The following ZNF717 variants were observed in gnomAD, a reference collection of about 807,000 sequenced individuals.
The protein encoded by ZNF717 is zinc finger protein 717, also known as krueppel-like factor X17.
ZNF717 carries 9 observed loss-of-function variants against 13.8 expected under a neutral mutation model. That is an observed-to-expected ratio of 0.65 (90% CI 0.39 to 1.14). The LOEUF (loss-of-function observed/expected upper bound fraction) is 1.14, where lower values mean the gene tolerates loss of function less well. Ranked by LOEUF, ZNF717 falls within the 50% of genes most tolerant of loss-of-function variation. The pLI is 0.01. For synonymous variants in ZNF717, 327 were observed against 364.1 expected, an observed-to-expected ratio of 0.90 and a Z score of 1.16; for missense variants, 1,040 against 1,080.7, an observed-to-expected ratio of 0.96 and a Z score of 0.53.
At chr3:75,717,385 C>T (rs74343947) in intron 4 of ZNF717, among the ~76,000 whole-genome samples, 35 of 152,124 alleles carry the variant, frequency 2.3e-4, no homozygotes, top group African/African-American at 7.0e-4. Context: ...TTATTTTGAA[C>T]GGGTAGAAAA....
At chr3:75,743,234 G>T (rs142291408) in intron 2 of ZNF717, among the ~76,000 whole-genome samples, 8,702 of 90,676 alleles carry the variant, frequency 0.096, no homozygotes, top group Middle Eastern at 0.15. Flanking sequence ...TAATACTGAA[G>T]ACAATGTAAT....
chr3:75,771,638 C>T (rs62268130), intron 2 of ZNF717, among the ~76,000 whole-genome samples: 28,420 of 151,524 alleles, frequency 0.19, 1,087 homozygotes, highest in African/African-American at 0.22. Context: ...GCAGTCGCTA[C>T]GGAGACACTG....
In ZNF717 at chr3:75,777,763, G is replaced by A. The variant is rs557121050; in HGVS notation, c.57+5543C>T. Among the ~76,000 whole-genome samples, 304 of 145,926 alleles carry A rather than the reference G, an allele frequency of 2.1e-3. 5 individuals carry two copies. Among genetic ancestry groups the A allele is most frequent in the Middle Eastern group, 8.7e-3 (2 of 230 alleles). On this transcript the variant is annotated intron_variant, in intron 2 of 4. Coordinates refer to ENST00000652011, the MANE Select transcript of ZNF717 (RefSeq NM_001290208.3). ...CAATGGGAGTGACGTGCTAAAACCG[G>A]AACCCAAAACAATGGGAGTGACATG...
At chr3:75,776,855 G>A (rs1267728098) in intron 2 of ZNF717, among the ~76,000 whole-genome samples, 2 of 152,174 alleles carry the variant, frequency 1.3e-5, no homozygotes, top group Non-Finnish European at 1.5e-5. Context: ...TATGGCATAT[G>A]GAGAAAACAT....
In ZNF717 at chr3:75,736,817, T is replaced by C. The variant is rs1575753183; in HGVS notation, c.*61A>G. ...GTAATGGTCACCATTTGTGTCCATATTCTCCTAGACTGAGCATGGAGAAAT... is the reference window on the plus strand; with the variant it reads ...GTAATGGTCACCATTTGTGTCCATACTCTCCTAGACTGAGCATGGAGAAAT... On this transcript the variant is annotated 3_prime_UTR_variant, in exon 5 of 5. Coordinates refer to ENST00000652011, the MANE Select transcript of ZNF717 (RefSeq NM_001290208.3). The C allele has an allele frequency of 1.4e-6, 2 of 1,455,858 alleles. No homozygotes were observed. The highest frequency in any genetic ancestry group is 2.6e-5 in the Admixed American group (1 of 39,052). The allele number at this position is 1,455,858 out of a possible 1,614,324, so 90.2% of individuals were successfully genotyped here. A position where few individuals can be genotyped will look rare whatever the true frequency, so the allele number is the denominator to read the frequency against.
intron 6 of ZNF717, among the ~76,000 whole-genome samples, chr3:75,697,352 T>A (rs1204812620): frequency 1.3e-5 from 2 of 152,398 alleles, no homozygotes; most frequent in Admixed American, 1.3e-4. Context: ...TAATTCTCAA[T>A]GTTGGAGGTG....
chr3:75,697,830 C>G (rs1420796689), intron 6 of ZNF717, among the ~76,000 whole-genome samples: 1 of 152,400 alleles, frequency 6.6e-6, no homozygotes, highest in African/African-American at 2.4e-5. Flanking sequence ...CAGAAGAAGA[C>G]AGAAAAATGA....
chr3:75,782,260 T>C (rs1394389192), intron 2 of ZNF717, among the ~76,000 whole-genome samples: 2 of 152,150 alleles, frequency 1.3e-5, no homozygotes, highest in African/African-American at 4.8e-5. Flanking sequence ...ACTGGAAGTA[T>C]TTCCCAGAAA....
chr3:75,718,156 A>C (rs1938095088), intron 4 of ZNF717, among the ~76,000 whole-genome samples: 1 of 152,216 alleles, frequency 6.6e-6, no homozygotes, highest in South Asian at 2.1e-4. Flanking sequence ...CCAGGGGACA[A>C]CGGAACTGAG....
At chr3:75,696,963 T>C (rs1937610716) in intron 6 of ZNF717, among the ~76,000 whole-genome samples, 1 of 152,266 alleles carries the variant, frequency 6.6e-6, no homozygotes, top group Non-Finnish European at 1.5e-5. Context: ...TAAAAAAATT[T>C]GATAAAATTT....
chr3:75,740,604 C>T (rs201908508), intron 4 of ZNF717, among the ~76,000 whole-genome samples: 4,996 of 143,682 alleles, frequency 0.035, 76 homozygotes, highest in South Asian at 0.062. Flanking sequence ...TGGTTGTCTA[C>T]GAGGATCATT....
intron 2 of ZNF717, among the ~76,000 whole-genome samples, chr3:75,782,298 C>G (rs1944879728): frequency 6.6e-6 from 1 of 152,288 alleles, no homozygotes; most frequent in Non-Finnish European, 1.5e-5. Context: ...CTGCTGCACA[C>G]CCTGCATGTA....
chr3:75,757,618 T>C (rs1942606752), intron 2 of ZNF717, among the ~76,000 whole-genome samples: 1 of 152,360 alleles, frequency 6.6e-6, no homozygotes, highest in South Asian at 2.1e-4. Context: ...ACATTCATTC[T>C]GCTGCCCTTG....
chr3:75,718,862 C>A (rs571975318), intron 4 of ZNF717, among the ~76,000 whole-genome samples: 5 of 152,310 alleles, frequency 3.3e-5, no homozygotes, highest in Admixed American at 3.3e-4. Context: ...ACGGGCAATA[C>A]CTGTCCATGG....
chr3:75,771,304 ACAT>A (rs1282387989), intron 2 of ZNF717, among the ~76,000 whole-genome samples: 29 of 152,196 alleles, frequency 1.9e-4, no homozygotes, highest in Non-Finnish European at 3.5e-4. Context: ...AGATTTCTGT[ACAT>A]CACATTCCCT....
At chr3:75,699,738 A>G (rs1937648263) in intron 6 of ZNF717, among the ~76,000 whole-genome samples, 1 of 152,306 alleles carries the variant, frequency 6.6e-6, no homozygotes, top group Non-Finnish European at 1.5e-5. Context: ...TTTTTATAGC[A>G]ATGTGAGAAT....
At chr3:75,701,474 G>C (rs1385745138) in intron 6 of ZNF717, among the ~76,000 whole-genome samples, 2 of 151,016 alleles carry the variant, frequency 1.3e-5, no homozygotes, top group Non-Finnish European at 2.9e-5. Context: ...TTCAAGACCA[G>C]CCTGGCCAAG....
intron 4 of ZNF717, among the ~76,000 whole-genome samples, chr3:75,740,967 T>A (rs34626695): frequency 0.39 from 55,812 of 143,606 alleles, 7,393 homozygotes; most frequent in Admixed American, 0.42. Flanking sequence ...TCTAAAAAAA[T>A]TTTTAAGATA....
At chr3:75,726,972 C>T (rs1575725700), downstream of ZNF717, among the ~76,000 whole-genome samples, 1 of 152,148 alleles carries the variant, frequency 6.6e-6, no homozygotes, top group Admixed American at 6.5e-5. Context: ...TACCATGGTC[C>T]CCTAAGATTA....
Sources: allele counts gnomAD v4.1 joint callset (sites outside exome capture counted in the v4.1 genomes callset), GRCh38; gene constraint gnomAD v4.1.1; transcripts MANE v1.5; gene names NCBI Gene and HGNC (gene_info 2026-07-23, HGNC 2026-07-21).